Variants in RUNX1 observed in about 807,000 individuals in gnomAD.
RUNX1 encodes RUNX family transcription factor 1.
Under a neutral mutation model 42.8 loss-of-function variants are expected in RUNX1, and 19 were observed. That is an observed-to-expected ratio of 0.44 (90% CI 0.31 to 0.65). RUNX1 has a LOEUF of 0.65. Among genes scored for constraint, RUNX1 ranks in the 30% least tolerant of loss-of-function variants. The pLI is 0.07. For missense variants in RUNX1, 528 were observed against 672.0 expected (o/e 0.79, Z 2.37); for synonymous variants, 271 against 289.4 (o/e 0.94, Z 0.64).
chr21:34,862,617 C>G (rs1163419283), intron 5 of RUNX1, among the ~76,000 whole-genome samples: 1 of 152,172 alleles, frequency 6.6e-6, no homozygotes, highest in African/African-American at 2.4e-5. Context: ...CTGCAGCACT[C>G]TAGCCTCTGC....
chr21:35,017,740 T>C (rs191072288), intron 2 of RUNX1, among the ~76,000 whole-genome samples: 227 of 152,306 alleles, frequency 1.5e-3, no homozygotes, highest in African/African-American at 5.1e-3. Flanking sequence ...TTCTCATAGT[T>C]CTGTGTTCTC....
intron 2 of RUNX1, among the ~76,000 whole-genome samples, chr21:34,998,551 C>CT (rs939164616): frequency 2.6e-5 from 4 of 151,720 alleles, no homozygotes; most frequent in South Asian, 2.1e-4. Flanking sequence ...TTTCTTTTTC[C>CT]TTTTTTTTGA....
intron 6 of RUNX1, among the ~76,000 whole-genome samples, chr21:34,851,786 C>T (rs2057422634): frequency 6.6e-6 from 1 of 152,182 alleles, no homozygotes; most frequent in African/African-American, 2.4e-5. Flanking sequence ...GAGAAGGTGC[C>T]TAGATCATCT....
chr21:34,880,860 A>T (rs1001966862), intron 4 of RUNX1, 147 bp from the exon 5 acceptor site: 3 of 826,832 alleles, frequency 3.6e-6, no homozygotes, highest in Non-Finnish European at 5.8e-6. Flanking sequence ...TAACTTAAGC[A>T]AAACAACAGA....
intron 4 of RUNX1, among the ~76,000 whole-genome samples, chr21:34,883,841 C>G (rs745698061): frequency 2.0e-5 from 3 of 152,208 alleles, no homozygotes; most frequent in Non-Finnish European, 4.4e-5. Flanking sequence ...ATCCGTTAAC[C>G]TTCCAGTGTT....
chr21:34,849,024 T>A (rs1005043704), intron 6 of RUNX1, among the ~76,000 whole-genome samples: 2 of 151,112 alleles, frequency 1.3e-5, no homozygotes, highest in Non-Finnish European at 2.9e-5. Context: ...ATCAAACAAG[T>A]ATCAAATGTT....
intron 2 of RUNX1, among the ~76,000 whole-genome samples, chr21:35,019,675 T>C (rs1297043160): frequency 6.6e-6 from 1 of 152,144 alleles, no homozygotes; most frequent in Non-Finnish European, 1.5e-5. Flanking sequence ...CCCAGAAAGC[T>C]GAATAAGACC....
intron 2 of RUNX1, among the ~76,000 whole-genome samples, chr21:34,983,554 T>C (rs2058862768): frequency 6.6e-6 from 1 of 152,214 alleles, no homozygotes; most frequent in Admixed American, 6.5e-5. Flanking sequence ...CTCTTTACTG[T>C]CTTATCTAAG....
At chr21:34,803,289 T>C (rs904831110) in intron 7 of RUNX1, among the ~76,000 whole-genome samples, 2 of 152,146 alleles carry the variant, frequency 1.3e-5, no homozygotes, top group African/African-American at 4.8e-5. Context: ...GGCTCATACC[T>C]GTAATCCCAG....
chr21:34,993,265 T>C (rs952253438), intron 2 of RUNX1, among the ~76,000 whole-genome samples: 6 of 152,128 alleles, frequency 3.9e-5, no homozygotes, highest in African/African-American at 1.4e-4. Flanking sequence ...TAATTTTAAA[T>C]GCAAGCATAC....
chr21:34,962,724 C>T (rs988722373), intron 2 of RUNX1, among the ~76,000 whole-genome samples: 2 of 152,174 alleles, frequency 1.3e-5, no homozygotes, highest in Admixed American at 1.3e-4. Flanking sequence ...CATACGCATT[C>T]GCGTTGCAAT....
chr21:34,847,965 T>C (rs2057340820), intron 6 of RUNX1, among the ~76,000 whole-genome samples: 1 of 152,152 alleles, frequency 6.6e-6, no homozygotes, highest in Non-Finnish European at 1.5e-5. Flanking sequence ...GGTAAATATT[T>C]GGCCCCCACT....
chr21:34,916,590 C>T (rs1398560566), intron 2 of RUNX1, among the ~76,000 whole-genome samples: 4 of 151,802 alleles, frequency 2.6e-5, no homozygotes, highest in African/African-American at 9.7e-5. Context: ...GAGGGAGGCT[C>T]GGAGGAGGAG....
chr21:34,916,362 G>A (rs1467784790), intron 2 of RUNX1, among the ~76,000 whole-genome samples: 4 of 152,142 alleles, frequency 2.6e-5, no homozygotes, highest in African/African-American at 7.2e-5. Context: ...GGCCCTTCCC[G>A]TGGGCAAAGT....
intron 6 of RUNX1, among the ~76,000 whole-genome samples, chr21:34,836,652 CTCTA>C (rs879341295): frequency 5.9e-5 from 9 of 152,320 alleles, no homozygotes; most frequent in Admixed American, 5.9e-4. Flanking sequence ...TTGTGGAGAG[CTCTA>C]TCTGCCTCAG....
In RUNX1 at chr21:34,907,488, G is replaced by C. The variant is rs74803601; in HGVS notation, c.59-14525C>G. Among the ~76,000 whole-genome samples, 405 of 152,118 alleles carry C rather than the reference G, an allele frequency of 2.7e-3. 3 individuals carry two copies. The highest frequency in any genetic ancestry group is 9.4e-3 in the African/African-American group (390 of 41,490). The stretch of plus-strand genomic sequence containing the variant: ...ATTGATGTATCTCCCCTGAGCCCTG[G>C]CATACTATTTACTTCTTACTGTTTC... On this transcript the variant is annotated intron_variant, in intron 2 of 8. Coordinates refer to ENST00000675419, the MANE Select transcript of RUNX1 (RefSeq NM_001754.5). This position sits in a 1 kb window ranked among gnomAD's most constrained non-coding sequence, Gnocchi z 5.3.
At chr21:34,834,046 T>C (rs547037909) in intron 7 of RUNX1, 6 of 430,668 alleles carry the variant, frequency 1.4e-5, no homozygotes, top group South Asian at 1.2e-4. Flanking sequence ...TCTGCGTGTG[T>C]GTCTTCAAGC....
intron 7 of RUNX1, chr21:34,821,502 A>G: frequency 6.8e-7 from 1 of 1,479,532 alleles, no homozygotes; most frequent in Non-Finnish European, 9.1e-7. Flanking sequence ...CGGTTTGCAG[A>G]GGGGGAGAAG....
chr21:34,876,448 T>C (rs959139147), intron 5 of RUNX1, among the ~76,000 whole-genome samples: 1 of 152,216 alleles, frequency 6.6e-6, no homozygotes, highest in Non-Finnish European at 1.5e-5. Flanking sequence ...CAATGCAAAG[T>C]TCCAAATTCA....
Sources: allele counts gnomAD v4.1 joint callset (sites outside exome capture counted in the v4.1 genomes callset), GRCh38; gene constraint gnomAD v4.1.1; non-coding constraint Gnocchi (gnomAD v3.1); transcripts MANE v1.5; gene names NCBI Gene and HGNC (gene_info 2026-07-23, HGNC 2026-07-21).